The following BCAS3 variants were observed in gnomAD, a reference collection of about 807,000 sequenced individuals.
BCAS3 encodes BCAS3 microtubule associated cell migration factor.
A neutral mutation model predicts 116.1 loss-of-function variants in BCAS3; 53 were observed. The observed-to-expected ratio is 0.46, with a 90% CI of 0.37 to 0.57. The LOEUF is 0.57. Ranked by LOEUF, BCAS3 falls within the 20% of genes least tolerant of loss-of-function variation. The pLI, the probability that BCAS3 is intolerant of heterozygous loss-of-function variation, is 0.00. For synonymous variants in BCAS3, 391 were observed against 408.2 expected (o/e 0.96, Z 0.51); for missense variants, 917 against 1,165.4 (o/e 0.79, Z 3.10).
intron 7 of BCAS3, among the ~76,000 whole-genome samples, chr17:60,863,241 A>G (rs1167046244): frequency 6.6e-6 from 1 of 152,168 alleles, no homozygotes; most frequent in Non-Finnish European, 1.5e-5. Context: ...TCGACTCACT[A>G]TTCTGTTTCC....
chr17:60,984,677 A>T (rs1283656593), intron 14 of BCAS3, among the ~76,000 whole-genome samples: 1 of 152,112 alleles, frequency 6.6e-6, no homozygotes, highest in Non-Finnish European at 1.5e-5. Flanking sequence ...TTTTGTGGGT[A>T]CATAGTAGGT....
intron 12 of BCAS3, among the ~76,000 whole-genome samples, chr17:60,920,098 T>C (rs1285925533): frequency 1.3e-5 from 2 of 152,074 alleles, no homozygotes; most frequent in Non-Finnish European, 1.5e-5. Context: ...TGGTAAAAAA[T>C]ATATCACATG....
At chr17:60,736,199 C>G (rs1285213950) in intron 5 of BCAS3, among the ~76,000 whole-genome samples, 4 of 152,074 alleles carry the variant, frequency 2.6e-5, no homozygotes, top group African/African-American at 9.7e-5. Flanking sequence ...CCACTGTGCC[C>G]AGCCTATAAT....
chr17:60,786,612 A>T (rs536673751), intron 6 of BCAS3, among the ~76,000 whole-genome samples: 2 of 151,616 alleles, frequency 1.3e-5, no homozygotes, highest in Non-Finnish European at 2.9e-5. Flanking sequence ...ATCTATGTAT[A>T]TTACTATAAA....
At chr17:61,317,476 G>A (rs773429977) in intron 22 of BCAS3, among the ~76,000 whole-genome samples, 4 of 152,220 alleles carry the variant, frequency 2.6e-5, no homozygotes, top group Non-Finnish European at 5.9e-5. Flanking sequence ...GGGAGAACCA[G>A]ACAGTTCCTG....
intron 14 of BCAS3, among the ~76,000 whole-genome samples, chr17:60,970,323 A>T (rs763528991): frequency 1.3e-5 from 2 of 152,210 alleles, no homozygotes; most frequent in Non-Finnish European, 2.9e-5. Flanking sequence ...ACAGGAAAGG[A>T]AAGGCAGAAG....
intron 3 of BCAS3, 79 bp downstream of exon 3, chr17:60,684,115 A>G (rs778974966): frequency 3.4e-5 from 45 of 1,330,086 alleles, no homozygotes; most frequent in Non-Finnish European, 4.7e-5. Flanking sequence ...ACTTGACACT[A>G]GTACCAGCAA....
rs1232344251 is a variant in BCAS3 at position 61,139,370 on chromosome 17, G to T, written c.2425+54806G>T. Among the ~76,000 whole-genome samples the T allele has an allele frequency of 1.3e-5, 2 of 152,144 alleles. 1 individual carries two copies. The highest frequency in any genetic ancestry group is 3.8e-4 in the East Asian group (2 of 5,196). On this transcript the variant is annotated intron_variant, in intron 22 of 23. Coordinates refer to ENST00000407086, the MANE Select transcript of BCAS3 (RefSeq NM_017679.5). The surrounding 1 kb of genome is among the most constrained non-coding windows in gnomAD (Gnocchi z 4.7). Reference sequence around the variant, plus strand: ...TGGCCAAACGAGGTTCACAAATGCTGTTTTCATATTTGTGGTTTTGGTGTT... The same window carrying T: ...TGGCCAAACGAGGTTCACAAATGCTTTTTTCATATTTGTGGTTTTGGTGTT...
intron 22 of BCAS3, among the ~76,000 whole-genome samples, chr17:61,274,129 T>TC (rs1275309885): frequency 3.3e-5 from 5 of 150,170 alleles, no homozygotes; most frequent in Non-Finnish European, 7.4e-5. Context: ...CCCACAACAG[T>TC]CCCCGGTGTG....
intron 9 of BCAS3, among the ~76,000 whole-genome samples, chr17:60,877,717 G>A (rs2055744207): frequency 6.6e-6 from 1 of 152,166 alleles, no homozygotes; most frequent in South Asian, 2.1e-4. Context: ...GCAGCTTTTA[G>A]TTAAGTCCTG....
rs2059612308 is a variant in BCAS3 at position 61,381,675 on chromosome 17, C to G, written c.2594-10302C>G. On this transcript the variant is annotated intron_variant, in intron 23 of 23. Coordinates refer to ENST00000407086, the MANE Select transcript of BCAS3 (RefSeq NM_017679.5). This position sits in a 1 kb window ranked among gnomAD's most constrained non-coding sequence, Gnocchi z 6.0. ...CCGAAAAAGCTCTTCCTGTTTAGAG[C>G]CAGGTCAGTGACATTGGGATTGGTT... 6.6e-6 allele frequency among the ~76,000 whole-genome samples: 1 copy of G among 152,052 alleles called. No individual in the cohort carries two copies. Among genetic ancestry groups the G allele is most frequent in the East Asian group, 1.9e-4 (1 of 5,178 alleles).
chr17:60,751,536 C>T (rs199537515), intron 6 of BCAS3, among the ~76,000 whole-genome samples: 4 of 149,618 alleles, frequency 2.7e-5, no homozygotes, highest in African/African-American at 1.0e-4. Flanking sequence ...TCTTTTTTTT[C>T]TTTTTCTTTT....
intron 22 of BCAS3, among the ~76,000 whole-genome samples, chr17:61,091,000 A>G (rs982574514): frequency 6.6e-5 from 10 of 152,212 alleles, no homozygotes; most frequent in African/African-American, 1.9e-4. Context: ...ACCAAAGTCA[A>G]GTTAACAATG....
intron 7 of BCAS3, among the ~76,000 whole-genome samples, chr17:60,863,876 A>G (rs2054370602): frequency 6.6e-6 from 1 of 152,256 alleles, no homozygotes; most frequent in Non-Finnish European, 1.5e-5. Context: ...TGATGTTCTG[A>G]TACTTCAGTG....
At chr17:61,334,578 C>T (rs554851800) in intron 22 of BCAS3, among the ~76,000 whole-genome samples, 103 of 146,170 alleles carry the variant, frequency 7.0e-4, no homozygotes, top group African/African-American at 2.4e-3. Flanking sequence ...GCAGGATAAT[C>T]GCTTGAACCT....
rs2077159062 is a variant in BCAS3, at chr17:61,145,625, T to C, written c.2425+61061T>C. 6.6e-6 allele frequency among the ~76,000 whole-genome samples: 1 copy of C among 152,230 alleles called. No individual in the cohort carries two copies. The highest frequency in any genetic ancestry group is 2.1e-4 in the South Asian group (1 of 4,832). ...AGCACCAGACCCTTGTGTCATTTAATGTTACTTTAAAAAATTATTCTTAAA... is the reference window on the plus strand; with the variant it reads ...AGCACCAGACCCTTGTGTCATTTAACGTTACTTTAAAAAATTATTCTTAAA... On this transcript the variant is annotated intron_variant, in intron 22 of 23. Coordinates refer to ENST00000407086, the MANE Select transcript of BCAS3 (RefSeq NM_017679.5). The surrounding 1 kb of genome is among the most constrained non-coding windows in gnomAD (Gnocchi z 5.0).
Position 60,929,228 on chromosome 17 carries a change from G to T in BCAS3, c.1087+4728G>T, listed in dbSNP as rs186845936. 1.2e-3 allele frequency among the ~76,000 whole-genome samples: 185 copies of T among 152,236 alleles called. 1 individual carries two copies. Among genetic ancestry groups the T allele is most frequent in the African/African-American group, 3.7e-3 (155 of 41,550 alleles). On this transcript the variant is annotated intron_variant, in intron 13 of 23. Transcript: ENST00000407086. ...ACTTGAGGCCAGGAGTTTGAGACCA[G>T]CCTGGCCAACATACCAAGATCCTGT...
chr17:60,748,483 T>C (rs1400569129), intron 6 of BCAS3, among the ~76,000 whole-genome samples: 2 of 152,300 alleles, frequency 1.3e-5, no homozygotes, highest in African/African-American at 4.8e-5. Flanking sequence ...TGTACTTTGG[T>C]GAAATATTTT....
intron 7 of BCAS3, among the ~76,000 whole-genome samples, chr17:60,866,721 C>T (rs965007431): frequency 1.9e-4 from 28 of 149,502 alleles, no homozygotes; most frequent in African/African-American, 6.7e-4. Flanking sequence ...GCACTCTGTA[C>T]ATTTTAAGGC....
Sources: gnomAD v4.1 joint callset for allele counts (sites outside exome capture counted in the v4.1 genomes callset) on GRCh38, gnomAD v4.1.1 for gene constraint, Gnocchi (gnomAD v3.1) non-coding constraint, MANE v1.5 for transcripts, NCBI Gene and HGNC (gene_info 2026-07-23, HGNC 2026-07-21) for gene names.